Variants in DDX24 observed in about 807,000 individuals in gnomAD.
DDX24 encodes the protein ATP-dependent RNA helicase DDX24.
DDX24 carries 24 observed loss-of-function variants against 68.9 expected under a neutral mutation model. The observed-to-expected ratio is 0.35, with a 90% CI of 0.25 to 0.49. The LOEUF is 0.49. Ranked by LOEUF, DDX24 falls within the 20% of genes least tolerant of loss-of-function variation. DDX24 has a pLI of 0.99. For synonymous variants in DDX24, 395 were observed against 385.2 expected (o/e 1.03, Z -0.30); for missense variants, 989 against 1,039.0 (o/e 0.95, Z 0.66).
chr14:94,059,971 G>C lies in DDX24; in HGVS notation c.1913+127C>G, dbSNP rs61982079. ...AAATGCTGTGCAAAAAAAAAAAAAG[G>C]CTACCTACTACTGAGACAAGGCCCC... On this transcript the variant is annotated intron_variant, in intron 5 of 8. Coordinates refer to ENST00000621632, the MANE Select transcript of DDX24 (RefSeq NM_020414.4). 35 of 1,092,426 alleles carry C rather than the reference G, an allele frequency of 3.2e-5. 1 individual carries two copies. In the African/African-American group the frequency reaches 4.9e-4, roughly 15 times the overall value. 67.7% of individuals were successfully genotyped at this position (1,092,426 alleles called of 1,614,324 possible).
rs947020617 is a variant in DDX24, at chr14:94,077,463, C to T, written c.718+1562G>A. 2.0e-5 allele frequency among the ~76,000 whole-genome samples: 3 copies of T among 152,210 alleles called. No individual in the cohort carries two copies. The East Asian group carries it at 5.8e-4, about 29-fold the overall frequency. The stretch of plus-strand genomic sequence containing the variant: ...CATACCAAAGCAGTGTAGCAGAATG[C>T]TTAACAACACACAGAACTAGCCTGG... On this transcript the variant is annotated intron_variant, in intron 2 of 8. Coordinates refer to ENST00000621632, the MANE Select transcript of DDX24 (RefSeq NM_020414.4).
chr14:94,058,905 A>T (rs982586131), intron 5 of DDX24, among the ~76,000 whole-genome samples: 1 of 152,180 alleles, frequency 6.6e-6, no homozygotes, highest in Non-Finnish European at 1.5e-5. Flanking sequence ...ACAATACATA[A>T]ATGGGTCTTG....
intron 2 of DDX24, 145 bp downstream of exon 2, chr14:94,078,880 G>C: frequency 7.0e-6 from 6 of 854,222 alleles, no homozygotes; most frequent in Non-Finnish European, 1.1e-5. Flanking sequence ...TTTCAAACCA[G>C]AGGGGCTGAC....
chr14:94,061,891 T>G (rs1021533729), intron 3 of DDX24, among the ~76,000 whole-genome samples: 39 of 152,186 alleles, frequency 2.6e-4, no homozygotes, highest in African/African-American at 9.4e-4. Context: ...ATAAATTTCC[T>G]ATGCATCCAC....
intron 6 of DDX24, chr14:94,055,836 T>C (rs1885482033): frequency 6.6e-6 from 1 of 152,316 alleles, no homozygotes; most frequent in Admixed American, 6.5e-5. Flanking sequence ...CATACCCTCT[T>C]CTCACTGTGA....
intron 6 of DDX24, chr14:94,057,439 CAT>C (rs952059470): frequency 5.5e-6 from 1 of 181,756 alleles, no homozygotes; most frequent in Non-Finnish European, 1.1e-5. Flanking sequence ...AGAGAGATTA[CAT>C]GACTTGTTCA....
At chr14:94,072,932 T>C (rs530772692) in intron 2 of DDX24, among the ~76,000 whole-genome samples, 1 of 144,636 alleles carries the variant, frequency 6.9e-6, no homozygotes, top group East Asian at 2.0e-4. Flanking sequence ...CATCTAAACA[T>C]AGAAAAGGAA....
chr14:94,060,613 C>T lies in DDX24; in HGVS notation c.1398G>A (p.Arg466=). The T allele has an allele frequency of 6.2e-7, 1 of 1,612,218 alleles. No individual in the cohort carries two copies. Among genetic ancestry groups the T allele is most frequent in the Non-Finnish European group, 8.5e-7 (1 of 1,178,704 alleles). Residue 466 remains arginine, a splice_region_variant and synonymous_variant, in exon 5 of 9, where the codon AGG becomes AGA. Coordinates refer to ENST00000621632, the MANE Select transcript of DDX24 (RefSeq NM_020414.4). ...HYHLRNLRQL[R]CLVVDEADRM... is the part of the protein sequence containing the mutation. Reference sequence around the variant, plus strand: ...GGTCAGCCTCATCCACTACCAGGCACCTGCAGATCCAGAGAGACCCATATC... The same window carrying T: ...GGTCAGCCTCATCCACTACCAGGCATCTGCAGATCCAGAGAGACCCATATC...
chr14:94,062,854 C>T (rs1055401472), intron 2 of DDX24, among the ~76,000 whole-genome samples: 3 of 152,112 alleles, frequency 2.0e-5, no homozygotes, highest in African/African-American at 4.8e-5. Context: ...TCACCAGTAA[C>T]GAATTACAAA....
chr14:94,076,448 C>T (rs1253280753), intron 2 of DDX24, among the ~76,000 whole-genome samples: 3 of 152,046 alleles, frequency 2.0e-5, no homozygotes, highest in African/African-American at 7.2e-5. Context: ...TTTGGGAGGC[C>T]GAAGCAGGCA....
chr14:94,061,152 G>A (rs1003525484), intron 3 of DDX24, 86 bp from the exon 4 acceptor site: 2 of 1,481,036 alleles, frequency 1.4e-6, no homozygotes, highest in African/African-American at 2.8e-5. Flanking sequence ...CAGATTAGCA[G>A]AGACAGACAT....
intron 2 of DDX24, among the ~76,000 whole-genome samples, chr14:94,071,817 T>C (rs1488741079): frequency 6.6e-6 from 1 of 151,290 alleles, no homozygotes; most frequent in Non-Finnish European, 1.5e-5. Context: ...TGGTGGCGCA[T>C]GCCTGTAATC....
In DDX24 at chr14:94,079,384, A is replaced by G; in HGVS notation, c.359T>C (p.Val120Ala). The G allele has an allele frequency of 6.2e-7, 1 of 1,613,484 alleles. No individual in the cohort carries two copies. Among genetic ancestry groups the G allele is most frequent in the Non-Finnish European group, 8.5e-7 (1 of 1,179,918 alleles). The stretch of plus-strand genomic sequence containing the variant: ...CTGGGCCTCCAGCTCAGGATCTTTC[A>G]CTTCAAATTCTTTCTGGGTACTGGT... ...EGTSTQKEFE[V>A]KDPELEAQGD... Residue 120 changes from valine (V) to alanine (A), a missense_variant, in exon 2 of 9, where the codon GTG becomes GCG. Val to Ala is a moderately conservative substitution (Grantham distance 64). Transcript: ENST00000621632.
chr14:94,078,120 C>T (rs1885983008), intron 2 of DDX24, among the ~76,000 whole-genome samples: 1 of 151,778 alleles, frequency 6.6e-6, no homozygotes, highest in African/African-American at 2.4e-5. Context: ...TTACATAAGA[C>T]CTATGTTGTA....
rs756885257 is a variant in DDX24 at position 94,051,249 on chromosome 14, G to GTCT, written c.2519_2521dup (p.Lys840dup). 5 of 1,594,854 alleles carry GTCT rather than the reference G, an allele frequency of 3.1e-6. No homozygotes were observed. The South Asian group carries it at 3.4e-5, about 11-fold the overall frequency. On this transcript the variant is annotated inframe_insertion, in exon 9 of 9. Transcript: ENST00000621632. ...CGGCTGTGGCTCCTTCGGCTTCTTT[G>GTCT]TCTTCTTCTTCTTCTGCTTGGAGAG...
intron 1 of DDX24, among the ~76,000 whole-genome samples, chr14:94,079,976 G>GT (rs1886031048): frequency 6.6e-6 from 1 of 152,142 alleles, no homozygotes; most frequent in African/African-American, 2.4e-5. Flanking sequence ...GCTAGACCTG[G>GT]TTTGAATTCC....
In DDX24 at chr14:94,051,461, T is replaced by G. The variant is rs747807712; in HGVS notation, c.2310A>C (p.Gly770=). The G allele has an allele frequency of 6.5e-6, 10 of 1,540,748 alleles. No individual in the cohort carries two copies. The South Asian group carries it at 1.3e-4, about 20-fold the overall frequency. The change falls in exon 9 of 9, where the codon GGA becomes GGC. Residue 770 remains glycine (G), a splice_region_variant and synonymous_variant. Transcript: ENST00000621632. ...GTTCTTCTTGCTGGTCAGCTTTTCC[T>G]CCTTGAAACACAATACAAAAACGAT... The part of the protein sequence containing the change: ...EIELEEDMYK[G]GKADQQEERR...
Position 94,062,219 on chromosome 14 carries a change from T to C in DDX24, c.1121A>G (p.Asp374Gly), listed in dbSNP as rs972392204. ...EQTGNLKQEL[D>G]DKSATCKAYP... ...TGCCTTACAGGTGGCGCTTTTGTCA[T>C]CCAACTCCTGTTTTAGATTTCCAGT... Residue 374 changes from aspartate to glycine, a missense_variant, in exon 3 of 9, where the codon GAT becomes GGT. Asp to Gly is a moderately conservative substitution (Grantham distance 94, BLOSUM62 -1). Around this residue, in one of 3 missense-constraint regions of DDX24, gnomAD observed 691 missense variants for 760.0 expected, o/e 0.91. Coordinates refer to ENST00000621632, the MANE Select transcript of DDX24 (RefSeq NM_020414.4). 6 of 1,614,042 alleles carry C rather than the reference T, an allele frequency of 3.7e-6. No individual in the cohort carries two copies. The highest frequency in any genetic ancestry group is 5.1e-6 in the Non-Finnish European group (6 of 1,180,026).
intron 6 of DDX24, 55 bp from the exon 7 acceptor site, chr14:94,055,239 T>G (rs1397873247): frequency 4.5e-6 from 7 of 1,567,314 alleles, no homozygotes; most frequent in Non-Finnish European, 5.2e-6. Flanking sequence ...ACACTGGTCC[T>G]CTCCTCAGGG....
Sources: allele counts gnomAD v4.1 joint callset (sites outside exome capture counted in the v4.1 genomes callset), GRCh38; gene constraint gnomAD v4.1.1; regional missense constraint gnomAD v4.1.1; transcripts MANE v1.5; gene names NCBI Gene and HGNC (gene_info 2026-07-23, HGNC 2026-07-21).